The following DCDC1 variants were observed in gnomAD, a reference collection of about 807,000 sequenced individuals.
The protein encoded by DCDC1 is doublecortin domain containing 1.
DCDC1 carries 200 observed loss-of-function variants against 178.3 expected under a neutral mutation model. The observed-to-expected ratio is 1.12, with a 90% CI of 1.00 to 1.26. DCDC1 has a LOEUF of 1.26. DCDC1 is among the 50% of genes most tolerant of loss of function. DCDC1 has a pLI of 0.00. For synonymous variants in DCDC1, 690 were observed against 604.8 expected, an observed-to-expected ratio of 1.14 and a Z score of -2.07; for missense variants, 1,983 against 1,749.2, an observed-to-expected ratio of 1.13 and a Z score of -2.38.
chr11:31,253,786 T>C (rs1346451775), intron 8 of DCDC1, among the ~76,000 whole-genome samples: 1 of 152,166 alleles, frequency 6.6e-6, no homozygotes, highest in Non-Finnish European at 1.5e-5. Flanking sequence ...ATATAACTAA[T>C]ACCAATTTTA....
At chr11:30,871,929 C>G (rs913285029) in intron 38 of DCDC1, among the ~76,000 whole-genome samples, 14 of 151,938 alleles carry the variant, frequency 9.2e-5, no homozygotes, top group African/African-American at 3.4e-4. Context: ...CACATATATA[C>G]ATACACACAC....
At chr11:31,142,946 G>C (rs1455094568) in intron 9 of DCDC1, among the ~76,000 whole-genome samples, 1 of 152,090 alleles carries the variant, frequency 6.6e-6, no homozygotes, top group East Asian at 1.9e-4. Flanking sequence ...GAACCAAATT[G>C]ATCGCACTTT....
chr11:30,921,488 C>T (rs761482098), intron 24 of DCDC1, among the ~76,000 whole-genome samples: 1 of 152,144 alleles, frequency 6.6e-6, no homozygotes, highest in Non-Finnish European at 1.5e-5. Context: ...TAGTTTTTGA[C>T]ATTCAAACAG....
intron 7 of DCDC1, among the ~76,000 whole-genome samples, chr11:31,282,526 G>T (rs956202916): frequency 6.6e-6 from 1 of 151,830 alleles, no homozygotes; most frequent in Non-Finnish European, 1.5e-5. Flanking sequence ...GATATATTTG[G>T]TTATTTATTT....
At chr11:31,024,209 G>C (rs1164293660) in intron 20 of DCDC1, among the ~76,000 whole-genome samples, 1 of 151,902 alleles carries the variant, frequency 6.6e-6, no homozygotes, top group African/African-American at 2.4e-5. Context: ...TTAAGTTTAT[G>C]TAAAGGCATT....
intron 38 of DCDC1, among the ~76,000 whole-genome samples, chr11:30,872,726 A>G (rs1267967815): frequency 6.6e-6 from 1 of 151,950 alleles, no homozygotes; most frequent in Non-Finnish European, 1.5e-5. Context: ...TCACTTCCTT[A>G]TATAAGGCTT....
intron 20 of DCDC1, among the ~76,000 whole-genome samples, chr11:31,055,864 G>A (rs532769432): frequency 7.2e-5 from 11 of 152,218 alleles, no homozygotes; most frequent in African/African-American, 2.2e-4. Flanking sequence ...GGATGGGAGT[G>A]GGGTGAGGGA....
chr11:30,926,166 A>AT (rs1411917265), intron 22 of DCDC1, among the ~76,000 whole-genome samples: 5 of 152,134 alleles, frequency 3.3e-5, no homozygotes, highest in Non-Finnish European at 7.4e-5. Flanking sequence ...GGGGAAAACA[A>AT]TTTTTCCAGA....
intron 24 of DCDC1, among the ~76,000 whole-genome samples, chr11:30,922,155 C>T (rs769076529): frequency 8.5e-5 from 13 of 152,242 alleles, no homozygotes; most frequent in Admixed American, 2.6e-4. Context: ...TGGAACTTAA[C>T]GTGAGATTCT....
At chr11:31,136,457 G>A (rs1396371009) in intron 10 of DCDC1, among the ~76,000 whole-genome samples, 1 of 152,008 alleles carries the variant, frequency 6.6e-6, no homozygotes, top group Non-Finnish European at 1.5e-5. Context: ...GGTCTCTAAT[G>A]TAAGAATAGA....
chr11:31,365,830 T>C (rs1951930885), intron 1 of DCDC1, among the ~76,000 whole-genome samples: 1 of 152,200 alleles, frequency 6.6e-6, no homozygotes, highest in East Asian at 1.9e-4. Flanking sequence ...CCTATCCTTT[T>C]AATTTATTCT....
At chr11:31,357,782 T>C (rs1392694424) in intron 1 of DCDC1, among the ~76,000 whole-genome samples, 3 of 151,850 alleles carry the variant, frequency 2.0e-5, no homozygotes, top group Admixed American at 2.0e-4. Flanking sequence ...CAAGCATTCT[T>C]ATACACCAAT....
chr11:31,185,209 T>C (rs550631106), intron 9 of DCDC1, among the ~76,000 whole-genome samples: 6 of 152,068 alleles, frequency 3.9e-5, no homozygotes, highest in African/African-American at 9.6e-5. Context: ...AGTTGAACAA[T>C]GAGAACACAG....
At chr11:31,332,721 T>C (rs569300264) in intron 2 of DCDC1, among the ~76,000 whole-genome samples, 1 of 152,334 alleles carries the variant, frequency 6.6e-6, no homozygotes, top group Non-Finnish European at 1.5e-5. Flanking sequence ...AGTTTTAATT[T>C]GATTGCACTG....
intron 20 of DCDC1, among the ~76,000 whole-genome samples, chr11:30,976,967 G>C (rs1024070001): frequency 1.2e-4 from 18 of 152,108 alleles, no homozygotes; most frequent in African/African-American, 4.1e-4. Flanking sequence ...CAAAGAAAAT[G>C]TGGAGTATAT....
intron 1 of DCDC1, among the ~76,000 whole-genome samples, chr11:31,356,057 T>C (rs949522799): frequency 2.0e-5 from 3 of 152,132 alleles, no homozygotes; most frequent in Non-Finnish European, 4.4e-5. Flanking sequence ...TCACACTCTT[T>C]TCTTCCCCTC....
At chr11:31,211,109 T>C (rs1056222219) in intron 9 of DCDC1, among the ~76,000 whole-genome samples, 1 of 152,218 alleles carries the variant, frequency 6.6e-6, no homozygotes, top group African/African-American at 2.4e-5. Flanking sequence ...CTCTCATCTG[T>C]AGATGATCAT....
At position 31,223,727 on chromosome 11, in the gene DCDC1, A is replaced by G. The variant is rs1974559636; in HGVS notation, c.1221+17723T>C. On this transcript the variant is annotated intron_variant, in intron 9 of 38. Coordinates refer to ENST00000684477, the MANE Select transcript of DCDC1 (RefSeq NM_001387274.1). The stretch of plus-strand genomic sequence containing the variant: ...TTCAGCATAAATATGTCTCATAAAT[A>G]TAATGTTGCAAGTGCAGAGTGACAT... 1.3e-5 allele frequency among the ~76,000 whole-genome samples: 2 copies of G among 152,330 alleles called. 1 individual carries two copies. The highest frequency in any genetic ancestry group is 1.3e-4 in the Admixed American group (2 of 15,278).
intron 21 of DCDC1, among the ~76,000 whole-genome samples, chr11:30,938,217 ATC>A (rs150806325): frequency 1.4e-5 from 2 of 146,832 alleles, no homozygotes; most frequent in East Asian, 2.0e-4. Context: ...TTCTTCTTCT[ATC>A]TCTCTCTCTC....
Sources: allele counts gnomAD v4.1 joint callset (sites outside exome capture counted in the v4.1 genomes callset), GRCh38; gene constraint gnomAD v4.1.1; transcripts MANE v1.5; gene names NCBI Gene and HGNC (gene_info 2026-07-23, HGNC 2026-07-21).